The following PSD3 variants were observed in gnomAD, a reference collection of about 807,000 sequenced individuals.
PSD3 encodes the protein pleckstrin and Sec7 domain containing 3, also known as PH and SEC7 domain-containing protein 3.
PSD3 carries 49 observed loss-of-function variants against 105.5 expected under a neutral mutation model. That is an observed-to-expected ratio of 0.46 (90% CI 0.37 to 0.59). PSD3 has a LOEUF of 0.59. Ranked by LOEUF, PSD3 falls within the 20% of genes least tolerant of loss-of-function variation. The probability of loss-of-function intolerance (pLI) is 0.00; values close to 1 mark genes in which losing one functional copy is unlikely to be tolerated. For missense variants in PSD3, 1,561 were observed against 1,263.8 expected, an observed-to-expected ratio of 1.24 and a Z score of -3.57; for synonymous variants, 557 against 457.8, an observed-to-expected ratio of 1.22 and a Z score of -2.77.
chr8:18,679,936 A>C (rs1042862606), intron 9 of PSD3, among the ~76,000 whole-genome samples: 1 of 152,208 alleles, frequency 6.6e-6, no homozygotes, highest in Non-Finnish European at 1.5e-5. Flanking sequence ...TATTCCTCAA[A>C]AAAGGCCTCA....
chr8:18,877,544 T>C (rs568203404), intron 2 of PSD3, among the ~76,000 whole-genome samples: 1 of 151,988 alleles, frequency 6.6e-6, no homozygotes, highest in East Asian at 1.9e-4. Context: ...CCTATCTTTT[T>C]TTTTTTTTTT....
chr8:18,934,344 G>A (rs1821936461), intron 2 of PSD3, among the ~76,000 whole-genome samples: 2 of 152,216 alleles, frequency 1.3e-5, no homozygotes. Context: ...TGATGATGGT[G>A]ATGGTTATCA....
intron 1 of PSD3, among the ~76,000 whole-genome samples, chr8:19,006,581 C>G (rs1826693149): frequency 2.0e-5 from 3 of 152,048 alleles, no homozygotes; most frequent in Admixed American, 2.0e-4. Context: ...CTGAAGAAAT[C>G]CTGGAGCCTG....
intron 9 of PSD3, among the ~76,000 whole-genome samples, chr8:18,713,700 A>G (rs570842363): frequency 3.5e-4 from 53 of 152,368 alleles, no homozygotes; most frequent in African/African-American, 1.3e-3. Context: ...AAACGGCCAT[A>G]CTGCCCAAAA....
At chr8:18,972,580 A>G (rs1009203270) in intron 1 of PSD3, among the ~76,000 whole-genome samples, 15 of 152,144 alleles carry the variant, frequency 9.9e-5, no homozygotes, top group African/African-American at 3.4e-4. Context: ...ATACATTAAA[A>G]CCCTAATCCC....
chr8:18,898,921 C>T (rs1473836444), intron 2 of PSD3, among the ~76,000 whole-genome samples: 1 of 152,120 alleles, frequency 6.6e-6, no homozygotes, highest in African/African-American at 2.4e-5. Flanking sequence ...AATGTACAGA[C>T]ATAATCATAG....
intron 9 of PSD3, among the ~76,000 whole-genome samples, chr8:18,725,535 C>T (rs1803284979): frequency 6.6e-6 from 1 of 152,180 alleles, no homozygotes; most frequent in Admixed American, 6.5e-5. Context: ...TTCTATCACC[C>T]TCCCACCTCA....
At chr8:18,868,596 A>G (rs1435194769) in intron 3 of PSD3, among the ~76,000 whole-genome samples, 1 of 152,134 alleles carries the variant, frequency 6.6e-6, no homozygotes, top group Non-Finnish European at 1.5e-5. Context: ...CACTGCAGAG[A>G]GATTTCACGT....
At chr8:18,937,007 T>G (rs910370898) in intron 1 of PSD3, among the ~76,000 whole-genome samples, 1 of 152,182 alleles carries the variant, frequency 6.6e-6, no homozygotes, top group African/African-American at 2.4e-5. Context: ...TTTCAACATC[T>G]GTCCCAGGGT....
At chr8:18,940,712 T>C (rs1019112083) in intron 1 of PSD3, among the ~76,000 whole-genome samples, 2 of 152,186 alleles carry the variant, frequency 1.3e-5, no homozygotes, top group Non-Finnish European at 1.5e-5. Flanking sequence ...GGCACATACT[T>C]ACAGTAAATC....
intron 1 of PSD3, among the ~76,000 whole-genome samples, chr8:18,995,302 T>C (rs774519016): frequency 6.6e-6 from 1 of 152,110 alleles, no homozygotes; most frequent in Non-Finnish European, 1.5e-5. Context: ...CTTGGCCTAG[T>C]CTCTTCAGCT....
rs10102814 is a variant in PSD3 at position 18,777,737 on chromosome 8, G to A, written c.2083-12199C>T. On this transcript the variant is annotated intron_variant, in intron 8 of 15. Coordinates refer to ENST00000327040, the MANE Select transcript of PSD3 (RefSeq NM_015310.4). ...TTATAAACTATATTCATCCTCCGGT[G>A]CTATGAAAGAATAGGACTTATTCCT... 2.7e-3 allele frequency among the ~76,000 whole-genome samples: 416 copies of A among 152,242 alleles called. 2 individuals are homozygous for A. Among genetic ancestry groups the A allele is most frequent in the African/African-American group, 9.5e-3 (394 of 41,550 alleles).
chr8:18,585,636 C>T (rs1393252172), intron 12 of PSD3, among the ~76,000 whole-genome samples: 1 of 152,004 alleles, frequency 6.6e-6, no homozygotes, highest in African/African-American at 2.4e-5. Flanking sequence ...CACTTTATTC[C>T]TTATGAGATG....
intron 9 of PSD3, among the ~76,000 whole-genome samples, chr8:18,753,424 G>A (rs977531245): frequency 6.6e-6 from 1 of 151,824 alleles, no homozygotes; most frequent in Admixed American, 6.6e-5. Flanking sequence ...ATGTTGTGAA[G>A]AGGAAAGTTC....
intron 2 of PSD3, among the ~76,000 whole-genome samples, chr8:18,918,102 C>T (rs895338066): frequency 3.3e-5 from 5 of 152,142 alleles, no homozygotes; most frequent in Non-Finnish European, 7.3e-5. Flanking sequence ...ATAAAATACA[C>T]ACTTACAGCA....
At chr8:18,606,950 G>T (rs150122503) in intron 11 of PSD3, among the ~76,000 whole-genome samples, 1 of 152,124 alleles carries the variant, frequency 6.6e-6, no homozygotes, top group African/African-American at 2.4e-5. Context: ...AATTCTGAAA[G>T]GTAGAGTATG....
At chr8:18,990,367 C>T (rs1363952676) in intron 1 of PSD3, among the ~76,000 whole-genome samples, 1 of 152,246 alleles carries the variant, frequency 6.6e-6, no homozygotes, top group African/African-American at 2.4e-5. Context: ...CTCTTCCTCA[C>T]TTGGCTCCGC....
At chr8:18,696,185 T>G (rs1000337553) in intron 9 of PSD3, among the ~76,000 whole-genome samples, 1 of 152,206 alleles carries the variant, frequency 6.6e-6, no homozygotes, top group South Asian at 2.1e-4. Context: ...CAGAGGCCTT[T>G]GTTGAGATGG....
chr8:18,738,567 G>A (rs1804326239), intron 9 of PSD3, among the ~76,000 whole-genome samples: 1 of 152,124 alleles, frequency 6.6e-6, no homozygotes, highest in Non-Finnish European at 1.5e-5. Flanking sequence ...CACATCACAT[G>A]TTAAATTTTT....
Sources: gnomAD v4.1 joint callset for allele counts (sites outside exome capture counted in the v4.1 genomes callset) on GRCh38, gnomAD v4.1.1 for gene constraint, MANE v1.5 for transcripts, NCBI Gene and HGNC (gene_info 2026-07-23, HGNC 2026-07-21) for gene names.